The following POLG variants were observed in gnomAD, a reference collection of about 807,000 sequenced individuals.
The protein encoded by POLG is DNA polymerase gamma, catalytic subunit.
Under a neutral mutation model 155.4 loss-of-function variants are expected in POLG, and 110 were observed. The ratio of observed to expected loss-of-function variants is 0.71; its 90% CI spans 0.61 to 0.83. The LOEUF is 0.83. POLG is among the 40% of genes least tolerant of loss of function. The pLI is 0.00. For missense variants in POLG, 1,685 were observed against 1,627.5 expected, an observed-to-expected ratio of 1.04 and a Z score of -0.61; for synonymous variants, 701 against 631.5, an observed-to-expected ratio of 1.11 and a Z score of -1.65.
At chr15:89,323,741 AG>A in intron 12 of POLG, 73 bp downstream of exon 12, 2 of 1,233,888 alleles carry the variant, frequency 1.6e-6, no homozygotes, top group Non-Finnish European at 2.4e-6. Flanking sequence ...CTGGCTGGGA[AG>A]AACTAGGTGG....
chr15:89,327,627 C>T (rs1423491735), intron 6 of POLG, among the ~76,000 whole-genome samples: 2 of 152,292 alleles, frequency 1.3e-5, no homozygotes, highest in Admixed American at 6.5e-5. Flanking sequence ...GGCTGCCACA[C>T]GTGGAGTAAT....
chr15:89,332,956 G>A (rs2055613627), intron 2 of POLG, 140 bp downstream of exon 2: 2 of 1,117,230 alleles, frequency 1.8e-6, no homozygotes, highest in African/African-American at 1.6e-5. Flanking sequence ...CATAAACAGG[G>A]GTCTAGTCCT....
intron 18 of POLG, among the ~76,000 whole-genome samples, chr15:89,319,888 G>A (rs113421301): frequency 9.2e-5 from 14 of 152,188 alleles, no homozygotes; most frequent in African/African-American, 3.1e-4. Flanking sequence ...AAGGCTTGTC[G>A]CCTGAAGGCT....
At chr15:89,326,858 G>C in intron 8 of POLG, 54 bp downstream of exon 8, 3 of 1,610,784 alleles carry the variant, frequency 1.9e-6, no homozygotes, top group Non-Finnish European at 2.5e-6. Context: ...TCAATCACAG[G>C]ACCTTCCCAG....
intron 8 of POLG, 49 bp from the exon 9 acceptor site, chr15:89,326,787 T>A (rs1245574370): frequency 1.2e-6 from 2 of 1,613,392 alleles, no homozygotes; most frequent in African/African-American, 1.3e-5. Flanking sequence ...GAACTCTCAA[T>A]AAGATCTGCT....
chr15:89,331,835 G>A (rs2238297), intron 2 of POLG, among the ~76,000 whole-genome samples: 54,498 of 149,690 alleles, frequency 0.36, 10,173 homozygotes, highest in Non-Finnish European at 0.39. Context: ...GGCCTTAACA[G>A]TGACTTCTGC....
chr15:89,321,115 T>A lies in POLG; in HGVS notation c.2734+10A>T, dbSNP rs1356459490. 1.2e-6 allele frequency: 2 copies of A among 1,614,184 alleles called. No individual in the cohort carries two copies. Among genetic ancestry groups the A allele is most frequent in the Non-Finnish European group, 1.7e-6 (2 of 1,180,024 alleles). Reference sequence around the variant, plus strand: ...GGGGCTGGGCTGCCCCAACCCCGGCTCCTGCTCACCATGCATGCCGGCAAA... The same window carrying A: ...GGGGCTGGGCTGCCCCAACCCCGGCACCTGCTCACCATGCATGCCGGCAAA... On this transcript the variant is annotated intron_variant, in intron 17 of 22. Coordinates refer to ENST00000268124, the MANE Select transcript of POLG (RefSeq NM_002693.3).
At chr15:89,325,057 A>AGAGTGAGTGAGTGAGAGAGTGAGT (rs2055457888) in intron 10 of POLG, among the ~76,000 whole-genome samples, 2 of 87,640 alleles carry the variant, frequency 2.3e-5, no homozygotes, top group African/African-American at 1.6e-4. Flanking sequence ...AGTGAGTGAG[A>AGAGTGAGTGAGTGAGAGAGTGAGT]GAGTGAGTGA....
chr15:89,329,688 C>T (rs985270132), intron 3 of POLG, among the ~76,000 whole-genome samples: 30 of 152,142 alleles, frequency 2.0e-4, no homozygotes, highest in African/African-American at 7.0e-4. Context: ...CCTATTAATC[C>T]TATGAGATTT....
At chr15:89,329,139 G>GA in intron 3 of POLG, 29 bp from the exon 4 acceptor site, 1 of 1,592,776 alleles carries the variant, frequency 6.3e-7, no homozygotes, top group East Asian at 2.3e-5. Flanking sequence ...AAAGGGAAGG[G>GA]AAGGAGGGAG....
intron 12 of POLG, 128 bp from the exon 13 acceptor site, chr15:89,323,639 A>G: frequency 1.2e-6 from 1 of 808,910 alleles, no homozygotes; most frequent in Non-Finnish European, 2.2e-6. Flanking sequence ...GATGGCCATG[A>G]GGTCTCACCC....
At chr15:89,323,548 A>G (rs888871985) in intron 12 of POLG, 37 bp from the exon 13 acceptor site, 3 of 1,344,878 alleles carry the variant, frequency 2.2e-6, no homozygotes, top group Non-Finnish European at 3.2e-6. Flanking sequence ...GCCCTGCTCC[A>G]GCACCTGCAT....
In POLG at chr15:89,326,704, T is replaced by C. The variant is rs958701683; in HGVS notation, c.1620A>G (p.Gln540=). 1.2e-5 allele frequency: 20 copies of C among 1,613,982 alleles called. No homozygotes were observed. The highest frequency in any genetic ancestry group is 4.5e-5 in the East Asian group (2 of 44,882). Residue 540 remains glutamine (Q), a synonymous_variant, in exon 9 of 23, where the codon CAA becomes CAG. Coordinates refer to ENST00000268124, the MANE Select transcript of POLG (RefSeq NM_002693.3). ...AGCAGGCGCGGGCCATGACATCTTG[T>C]TGAAACTCCTCCTCCTCACTGCAGG... is the stretch of plus-strand genomic sequence containing the variant. ...LGPCSEEEEF[Q]QDVMARACLQ...
At position 89,324,239 on chromosome 15, in the gene POLG, A is replaced by G. The variant is rs1044074988; in HGVS notation, c.1950-12T>C. 1.1e-5 allele frequency: 17 copies of G among 1,611,262 alleles called. No homozygotes were observed. The highest frequency in any genetic ancestry group is 1.4e-5 in the Non-Finnish European group (17 of 1,180,006). On this transcript the variant is annotated splice_polypyrimidine_tract_variant and intron_variant, in intron 10 of 22. Transcript: ENST00000268124. The stretch of plus-strand genomic sequence containing the variant: ...GGGACTCGATGGCTCTGGGCAGAGA[A>G]CAGTAGCAGCAGCAGCCGCTGATTA...
At position 89,325,034 on chromosome 15, in the gene POLG, C is replaced by CAG. The variant is rs1187779730; in HGVS notation, c.1949+414_1949+415dup. 1.1e-4 allele frequency among the ~76,000 whole-genome samples: 13 copies of CAG among 118,362 alleles called. 1 individual carries two copies. The highest frequency in any genetic ancestry group is 9.2e-4 in the Admixed American group (11 of 12,020). The allele number at this position is 118,362 out of a possible 152,430, so 77.7% of individuals were successfully genotyped here. ...AGCCATGGAAGAAAAAACCTGAACC[C>CAG]AGAGAGTGAGTGAGTGAGTGAGAGA... On this transcript the variant is annotated intron_variant, in intron 10 of 22. Transcript: ENST00000268124.
In POLG at chr15:89,320,869, G is replaced by A. The variant is rs373298169; in HGVS notation, c.2878C>T (p.Pro960Ser). ...TGCATTAGTAAGCGCTCAGCAAAGG[G>A]CTGCCCAGCACCATAGATGCGGCCG... ...NYGRIYGAGQ[P>S]FAERLLMQFN... is the part of the protein sequence containing the mutation. The change falls in exon 18 of 23, where the codon CCC (proline) becomes TCC (serine). Residue 960 changes from proline (P) to serine (S), a missense_variant. By Grantham distance (74) the Pro-to-Ser change is moderately conservative. Coordinates refer to ENST00000268124, the MANE Select transcript of POLG (RefSeq NM_002693.3). 76 of 1,613,838 alleles carry A rather than the reference G, an allele frequency of 4.7e-5. No individual in the cohort carries two copies. Among genetic ancestry groups the A allele is most frequent in the Non-Finnish European group, 5.8e-5 (68 of 1,180,050 alleles).
chr15:89,316,716 CT>C lies in POLG; in HGVS notation c.*34del. 1 of 1,552,436 alleles carries C rather than the reference CT, an allele frequency of 6.4e-7. No homozygotes were observed. Among genetic ancestry groups the C allele is most frequent in the Non-Finnish European group, 8.9e-7 (1 of 1,123,832 alleles). ...GGGAGCCTGCACCACCCCGATGAAG[CT>C]CCACGGGAGCAAATACAGAGCCTCC... On this transcript the variant is annotated 3_prime_UTR_variant, in exon 23 of 23. Coordinates refer to ENST00000268124, the MANE Select transcript of POLG (RefSeq NM_002693.3).
chr15:89,325,231 T>A lies in POLG; in HGVS notation c.1949+219A>T, dbSNP rs1170923004. Among the ~76,000 whole-genome samples, 28 of 43,266 alleles carry A rather than the reference T, an allele frequency of 6.5e-4. 4 individuals carry two copies. Among genetic ancestry groups the A allele is most frequent in the African/African-American group, 2.1e-3 (19 of 9,266 alleles). 28.4% of individuals were successfully genotyped at this position (43,266 alleles called of 152,430 possible). On this transcript the variant is annotated intron_variant, in intron 10 of 22. Coordinates refer to ENST00000268124, the MANE Select transcript of POLG (RefSeq NM_002693.3). ...GAGAGTGAGTGAGTGAGAGAGTGAG[T>A]GAGAGAGTGAGTGAGTGAGAGAGAG...
At position 89,318,497 on chromosome 15, in the gene POLG, C is replaced by T. The variant is rs3176228; in HGVS notation, c.3482+44G>A. The T allele has an allele frequency of 2.1e-3, 3,233 of 1,555,052 alleles. 52 individuals carry two copies. In the African/African-American group the frequency reaches 0.039, roughly 19 times the overall value. ...CAAGGAACGCTCACCCAAAGCCCCA[C>T]ATAGGAGCACATGGCCAGGCTAGAG... On this transcript the variant is annotated intron_variant, in intron 21 of 22. Coordinates refer to ENST00000268124, the MANE Select transcript of POLG (RefSeq NM_002693.3).
Sources: gnomAD v4.1 joint callset for allele counts (sites outside exome capture counted in the v4.1 genomes callset) on GRCh38, gnomAD v4.1.1 for gene constraint, MANE v1.5 for transcripts, NCBI Gene and HGNC (gene_info 2026-07-23, HGNC 2026-07-21) for gene names.